WDR4: variants seen among roughly 807,000 people sequenced by gnomAD.
The protein encoded by WDR4 is tRNA (guanine-N(7)-)-methyltransferase non-catalytic subunit WDR4.
WDR4 carries 47 observed loss-of-function variants against 48.6 expected under a neutral mutation model. The ratio of observed to expected loss-of-function variants is 0.97; its 90% confidence interval spans 0.77 to 1.23. The LOEUF is 1.23. Ranked by LOEUF, WDR4 falls within the 50% of genes most tolerant of loss-of-function variation. WDR4 has a pLI of 0.00. For synonymous variants in WDR4, 268 were observed against 230.0 expected, an observed-to-expected ratio of 1.17 and a Z score of -1.49; for missense variants, 606 against 551.6, an observed-to-expected ratio of 1.10 and a Z score of -0.99.
intron 2 of WDR4, among the ~76,000 whole-genome samples, chr21:42,874,017 TAAC>T (rs1202092291): frequency 6.6e-6 from 1 of 152,080 alleles, no homozygotes; most frequent in Non-Finnish European, 1.5e-5. Context: ...AAACTCACAT[TAAC>T]AATACTAATA....
Position 42,879,533 on chromosome 21 carries a change from C to T in WDR4, c.-38G>A, listed in dbSNP as rs2058585537. ...CTCACCGCCATACACATGTGCCAGC[C>T]CAGAGCCTCTTCCTGTCCGCACCGG... On this transcript the variant is annotated 5_prime_UTR_variant, in exon 1 of 11. Coordinates refer to ENST00000398208, the MANE Select transcript of WDR4 (RefSeq NM_018669.6). 5 of 1,609,152 alleles carry T rather than the reference C, an allele frequency of 3.1e-6. No individual in the cohort carries two copies. The highest frequency in any genetic ancestry group is 4.2e-6 in the Non-Finnish European group (5 of 1,178,116).
rs763182331 is a variant in WDR4 at position 42,854,629 on chromosome 21, A to G, written c.727-3T>C. ...GCAATCCTGGACGCGGCAAACTTCT[A>G]AAAGGAGAAGAAGCCCATTAACTTC... On this transcript the variant is annotated splice_region_variant and splice_polypyrimidine_tract_variant and intron_variant, in intron 7 of 10. Coordinates refer to ENST00000398208, the MANE Select transcript of WDR4 (RefSeq NM_018669.6). The G allele has an allele frequency of 8.1e-6, 13 of 1,613,398 alleles. No homozygotes were observed. Among genetic ancestry groups the G allele is most frequent in the Non-Finnish European group, 2.5e-6 (3 of 1,179,776 alleles).
rs1276029054 is a variant in WDR4 at position 42,853,596 on chromosome 21, G to A, written c.948C>T (p.Leu316=). ...LQDCQEAPLV[L]YRPVGDQWQS... ...GCCACTGGTCGCCCACAGGCCTGTAGAGCACCAGGGGGGCTTCCTGGCAGT... is the reference window on the plus strand; with the variant it reads ...GCCACTGGTCGCCCACAGGCCTGTAAAGCACCAGGGGGGCTTCCTGGCAGT... Residue 316 remains leucine, a synonymous_variant, in exon 9 of 11, where the codon CTC becomes CTT. Coordinates refer to ENST00000398208, the MANE Select transcript of WDR4 (RefSeq NM_018669.6). 6.2e-7 allele frequency: 1 copy of A among 1,610,938 alleles called. No individual in the cohort carries two copies. Among genetic ancestry groups the A allele is most frequent in the Non-Finnish European group, 8.5e-7 (1 of 1,179,258 alleles).
downstream of WDR4, among the ~76,000 whole-genome samples, chr21:42,846,886 G>C (rs2057715294): frequency 6.6e-6 from 1 of 152,108 alleles, no homozygotes; most frequent in Admixed American, 6.6e-5. Flanking sequence ...GCCAGGCGTG[G>C]TGGCAGGAGC....
the WDR4 span, among the ~76,000 whole-genome samples, chr21:42,885,615 A>AT: frequency 4.0e-5 from 6 of 151,538 alleles, no homozygotes; most frequent in African/African-American, 9.8e-5. Context: ...ATCAAAAAAA[A>AT]ATATATAGAT....
chr21:42,873,075 C>G (rs2058408385), intron 3 of WDR4, among the ~76,000 whole-genome samples: 1 of 152,204 alleles, frequency 6.6e-6, no homozygotes, highest in Admixed American at 6.5e-5. Context: ...CACTCCCCAT[C>G]CACTCTTCAG....
intron 3 of WDR4, among the ~76,000 whole-genome samples, chr21:42,871,358 C>G (rs796255805): frequency 6.6e-6 from 1 of 152,366 alleles, no homozygotes; most frequent in African/African-American, 2.4e-5. Flanking sequence ...CCCTCCTTCC[C>G]ACAGGTTGTC....
intron 5 of WDR4, 148 bp from the exon 6 acceptor site, chr21:42,859,870 CTG>C (rs1204418397): frequency 1.2e-6 from 1 of 819,252 alleles, no homozygotes; most frequent in Non-Finnish European, 2.0e-6. Context: ...TGGGAAGTAG[CTG>C]TTAACCCTAA....
the WDR4 span, among the ~76,000 whole-genome samples, chr21:42,886,442 G>A: frequency 3.9e-5 from 6 of 152,158 alleles, no homozygotes; most frequent in Non-Finnish European, 1.5e-5. Context: ...TTAAAATTTT[G>A]TGTTTGTTGT....
intron 1 of WDR4, among the ~76,000 whole-genome samples, chr21:42,878,251 C>A (rs1484945440): frequency 6.6e-6 from 1 of 152,120 alleles, no homozygotes; most frequent in African/African-American, 2.4e-5. Context: ...ATCCTCACCC[C>A]CTGGCACGTA....
chr21:42,871,889 T>C (rs909028115), intron 3 of WDR4, among the ~76,000 whole-genome samples: 1 of 152,044 alleles, frequency 6.6e-6, no homozygotes, highest in Non-Finnish European at 1.5e-5. Context: ...CAAAAACACA[T>C]AGAGTAGAAA....
Position 42,866,012 on chromosome 21 carries a change from C to G in WDR4, c.297-2416G>C, listed in dbSNP as rs79168930. ...GCAGCCAGGTGCTCTCTCTCCACCC[C>G]CTGGGCAGAGCGAATCAGATGGTTC... On this transcript the variant is annotated intron_variant, in intron 3 of 10. Coordinates refer to ENST00000398208, the MANE Select transcript of WDR4 (RefSeq NM_018669.6). Among the ~76,000 whole-genome samples, 186 of 152,316 alleles carry G rather than the reference C, an allele frequency of 1.2e-3. 3 individuals carry two copies. The East Asian group carries it at 0.028, about 23-fold the overall frequency.
chr21:42,883,584 G>T (rs375587719), upstream of WDR4: 6 of 153,612 alleles, frequency 3.9e-5, no homozygotes, highest in Non-Finnish European at 7.4e-5. Flanking sequence ...ACCCTAAATC[G>T]AATGTTATGT....
chr21:42,884,151 A>T (rs1367199397), upstream of WDR4, among the ~76,000 whole-genome samples: 1 of 152,166 alleles, frequency 6.6e-6, no homozygotes, highest in African/African-American at 2.4e-5. Flanking sequence ...CATATATCAC[A>T]TATATCACAT....
chr21:42,862,744 C>T lies in WDR4; in HGVS notation c.454-350G>A, dbSNP rs1162102528. Among the ~76,000 whole-genome samples, 2 of 104,468 alleles carry T rather than the reference C, an allele frequency of 1.9e-5. No individual in the cohort carries two copies. The highest frequency in any genetic ancestry group is 4.0e-5 in the Non-Finnish European group (2 of 49,986). 68.5% of individuals were successfully genotyped at this position (104,468 alleles called of 152,430 possible). A position where few individuals can be genotyped will look rare whatever the true frequency, so the allele number is the denominator to read the frequency against. On this transcript the variant is annotated intron_variant, in intron 4 of 10. Coordinates refer to ENST00000398208, the MANE Select transcript of WDR4 (RefSeq NM_018669.6). The surrounding 1 kb of genome is among the most constrained non-coding windows in gnomAD (Gnocchi z 4.3). ...AGGCCTGCTGCACCCTCCTGCCCAA[C>T]ACTGGGTTGCCTTCCTTGCCTTCCT...
upstream of WDR4, among the ~76,000 whole-genome samples, chr21:42,881,072 A>AT (rs2058605906): frequency 6.6e-6 from 1 of 151,926 alleles, no homozygotes; most frequent in Admixed American, 6.6e-5. Flanking sequence ...CGCCTGGCTA[A>AT]TTTTTTGTAT....
At chr21:42,873,399 T>G (rs753738986) in intron 3 of WDR4, 152 bp downstream of exon 3, 28 of 1,087,708 alleles carry the variant, frequency 2.6e-5, no homozygotes, top group Non-Finnish European at 3.5e-5. Flanking sequence ...CCAACACACA[T>G]GTGGCACTGA....
chr21:42,869,578 G>A (rs528819270), intron 3 of WDR4, among the ~76,000 whole-genome samples: 1 of 152,226 alleles, frequency 6.6e-6, no homozygotes, highest in South Asian at 2.1e-4. Flanking sequence ...CACACTTTGG[G>A]AGATGGGCTT....
chr21:42,864,107 C>CA (rs776906461), intron 3 of WDR4, among the ~76,000 whole-genome samples: 2,327 of 50,180 alleles, frequency 0.046, 103 homozygotes, highest in Non-Finnish European at 0.056. Context: ...GACTCCGTCT[C>CA]AAAAAAAAAA....
Sources: allele counts gnomAD v4.1 joint callset (sites outside exome capture counted in the v4.1 genomes callset), GRCh38; gene constraint gnomAD v4.1.1; non-coding constraint Gnocchi (gnomAD v3.1); transcripts MANE v1.5; gene names NCBI Gene and HGNC (gene_info 2026-07-23, HGNC 2026-07-21).